The following NKTR variants were observed in gnomAD, a reference collection of about 807,000 sequenced individuals.
The protein encoded by NKTR is NK-tumor recognition protein.
A neutral mutation model predicts 156.3 loss-of-function variants in NKTR; 67 were observed. The ratio of observed to expected loss-of-function variants is 0.43; its 90% CI spans 0.35 to 0.53. The LOEUF (loss-of-function observed/expected upper bound fraction) is 0.53, where lower values mean the gene tolerates loss of function less well. Ranked by LOEUF, NKTR falls within the 20% of genes least tolerant of loss-of-function variation. The pLI is 0.01. For missense variants in NKTR, 1,604 were observed against 1,730.9 expected (o/e 0.93, Z 1.30); for synonymous variants, 640 against 596.6 (o/e 1.07, Z -1.06).
Position 42,645,881 on chromosome 3 carries a change from A to G in NKTR, c.4302-7A>G. The G allele has an allele frequency of 6.3e-7, 1 of 1,592,074 alleles. No individual in the cohort carries two copies. The highest frequency in any genetic ancestry group is 1.1e-5 in the South Asian group (1 of 88,754). On this transcript the variant is annotated splice_region_variant and splice_polypyrimidine_tract_variant and intron_variant, in intron 16 of 16. Transcript: ENST00000232978. ...AGATTTTTATATATTTTGTTTTGTTATTACAGGAGTTGTAGATCTTATGGC... is the reference window on the plus strand; with the variant it reads ...AGATTTTTATATATTTTGTTTTGTTGTTACAGGAGTTGTAGATCTTATGGC...
Position 42,600,997 on chromosome 3 carries a change from C to A in NKTR, c.-10C>A. On this transcript the variant is annotated 5_prime_UTR_variant, in exon 2 of 17. Coordinates refer to ENST00000232978, the MANE Select transcript of NKTR (RefSeq NM_005385.4). ...CCTCTCTCCCAGCTCTTGCCGCCACCTCGGTCGCGATGGGGGCGCAGGACC... is the reference window on the plus strand; with the variant it reads ...CCTCTCTCCCAGCTCTTGCCGCCACATCGGTCGCGATGGGGGCGCAGGACC... 6.4e-7 allele frequency: 1 copy of A among 1,562,364 alleles called. No homozygotes were observed. The highest frequency in any genetic ancestry group is 1.2e-5 in the South Asian group (1 of 84,306).
chr3:42,602,932 T>C (rs115468856), intron 2 of NKTR: 3,076 of 150,076 alleles, frequency 0.02, 45 homozygotes, highest in African/African-American at 0.038. Flanking sequence ...AGGCTGAGAC[T>C]GAAGGACTGC....
rs1380640628 is a variant in NKTR, at chr3:42,637,776, G to A, written c.2072G>A (p.Arg691Lys). 1 of 1,613,706 alleles carries A rather than the reference G, an allele frequency of 6.2e-7. No individual in the cohort carries two copies. Among genetic ancestry groups the A allele is most frequent in the Admixed American group, 1.7e-5 (1 of 59,948 alleles). ...YSDRSSESSP[R>K]SRSRSSRSRS... ...GATAGAAGTTCAGAAAGCTCACCAA[G>A]GTCAAGGAGCAGATCTTCTAGGAGT... is the stretch of plus-strand genomic sequence containing the variant. Residue 691 changes from arginine (R) to lysine (K), a missense_variant, in exon 13 of 17, where the codon AGG (arginine) becomes AAG (lysine). Arg to Lys is a conservative substitution (Grantham distance 26, BLOSUM62 2). This residue lies in a region of NKTR where 1,255 missense variants were observed against 1,243.7 expected (regional missense o/e 1.01). Transcript: ENST00000232978.
Position 42,646,046 on chromosome 3 carries a change from T to G in NKTR, c.*71T>G, listed in dbSNP as rs762049177. ...CTTAGCTTAAGAAATGTAATGACAGTCTGTTGTTCTATTTCAATATCAGAG... is the reference window on the plus strand; with the variant it reads ...CTTAGCTTAAGAAATGTAATGACAGGCTGTTGTTCTATTTCAATATCAGAG... On this transcript the variant is annotated 3_prime_UTR_variant, in exon 17 of 17. Coordinates refer to ENST00000232978, the MANE Select transcript of NKTR (RefSeq NM_005385.4). 6.4e-6 allele frequency: 7 copies of G among 1,097,410 alleles called. No homozygotes were observed. The highest frequency in any genetic ancestry group is 9.6e-6 in the Non-Finnish European group (7 of 730,038). 68.0% of individuals were successfully genotyped at this position (1,097,410 alleles called of 1,614,324 possible).
chr3:42,628,338 G>GT, intron 6 of NKTR: 3 of 985,294 alleles, frequency 3.0e-6, no homozygotes, highest in Non-Finnish European at 3.6e-6. Context: ...ATTCTTGGCA[G>GT]TTTTCATTTG....
chr3:42,608,159 C>T (rs937176931), intron 2 of NKTR, among the ~76,000 whole-genome samples: 3 of 151,622 alleles, frequency 2.0e-5, no homozygotes, highest in East Asian at 1.9e-4. Context: ...CTGGCTACTT[C>T]TTGTATTTTT....
rs1254920109 is a variant in NKTR at position 42,646,931 on chromosome 3, T to C, written c.*956T>C. 5 of 152,234 alleles carry C rather than the reference T, an allele frequency of 3.3e-5. No individual in the cohort carries two copies. Among genetic ancestry groups the C allele is most frequent in the Non-Finnish European group, 5.9e-5 (4 of 68,052 alleles). 9.4% of individuals were successfully genotyped at this position (152,234 alleles called of 1,614,324 possible). ...CAGGCAGGATTGGCAGTAAGAGATA[T>C]TGGCCACTCAAGTCTACTGTGTGTG... On this transcript the variant is annotated 3_prime_UTR_variant, in exon 17 of 17. Transcript: ENST00000232978.
chr3:42,632,621 A>C lies in NKTR; in HGVS notation c.571A>C (p.Lys191Gln), dbSNP rs1709025260. 2 of 1,606,714 alleles carry C rather than the reference A, an allele frequency of 1.2e-6. No individual in the cohort carries two copies. The highest frequency in any genetic ancestry group is 1.1e-5 in the South Asian group (1 of 88,714). Residue 191 changes from lysine to glutamine, a missense_variant, in exon 9 of 17, where the codon AAA (lysine) becomes CAA (glutamine). Lys to Gln is a moderately conservative substitution (Grantham distance 53, BLOSUM62 1). This residue lies in a region of NKTR where 1,255 missense variants were observed against 1,243.7 expected (regional missense o/e 1.01). Transcript: ENST00000232978. ...AAAAGTTTTTGAGAAAAAAAGGAAG[A>C]AACCAACTCATTCAGAAGGCTCGGA... The part of the protein sequence containing the change: ...IKDVFEKKRK[K>Q]PTHSEGSDSS...
At chr3:42,623,048 G>A (rs1003663533) in intron 6 of NKTR, among the ~76,000 whole-genome samples, 9 of 151,678 alleles carry the variant, frequency 5.9e-5, no homozygotes, top group Admixed American at 2.6e-4. Context: ...AAATGCTATC[G>A]TTAAACATAA....
rs572877319 is a variant in NKTR, at chr3:42,601,467, C to T, written c.58+403C>T. The T allele has an allele frequency of 8.9e-5, 14 of 156,696 alleles. No homozygotes were observed. The South Asian group carries it at 2.8e-3, about 31-fold the overall frequency. The allele number at this position is 156,696 out of a possible 1,614,324, so 9.7% of individuals were successfully genotyped here. A position where few individuals can be genotyped will look rare whatever the true frequency, so the allele number is the denominator to read the frequency against. ...GGAAATATTGTGTGTTTCCTAATCACGATATATCACTAATATGTTAATTTT... is the reference window on the plus strand; with the variant it reads ...GGAAATATTGTGTGTTTCCTAATCATGATATATCACTAATATGTTAATTTT... On this transcript the variant is annotated intron_variant, in intron 2 of 16. Coordinates refer to ENST00000232978, the MANE Select transcript of NKTR (RefSeq NM_005385.4).
chr3:42,632,623 A>G lies in NKTR; in HGVS notation c.573A>G (p.Lys191=). 1.2e-6 allele frequency: 2 copies of G among 1,608,696 alleles called. No homozygotes were observed. Among genetic ancestry groups the G allele is most frequent in the Non-Finnish European group, 1.7e-6 (2 of 1,178,466 alleles). The change falls in exon 9 of 17, where the codon AAA becomes AAG. Residue 191 remains lysine, a synonymous_variant. Coordinates refer to ENST00000232978, the MANE Select transcript of NKTR (RefSeq NM_005385.4). ...AAGTTTTTGAGAAAAAAAGGAAGAA[A>G]CCAACTCATTCAGAAGGCTCGGATT... The part of the protein sequence containing the change: ...IKDVFEKKRK[K]PTHSEGSDSS...
rs543982362 is a variant in NKTR, at chr3:42,608,965, A to C, written c.58+7901A>C. 3.9e-5 allele frequency among the ~76,000 whole-genome samples: 6 copies of C among 152,248 alleles called. No individual in the cohort carries two copies. The East Asian group carries it at 1.2e-3, about 29-fold the overall frequency. On this transcript the variant is annotated intron_variant, in intron 2 of 16. Coordinates refer to ENST00000232978, the MANE Select transcript of NKTR (RefSeq NM_005385.4). The stretch of plus-strand genomic sequence containing the variant: ...ACGTGGTGAAACCCTGACCACTAAA[A>C]AGAAGTACAAAAATTAGCCGGGCAT...
chr3:42,644,978 T>TTG (rs35077404), intron 16 of NKTR, among the ~76,000 whole-genome samples: 36,587 of 150,798 alleles, frequency 0.24, 4,861 homozygotes, highest in East Asian at 0.47. Flanking sequence ...TTTTGTGTCT[T>TTG]TGTGTGTGTG....
intron 7 of NKTR, 176 bp downstream of exon 7, chr3:42,630,751 G>A: frequency 7.1e-7 from 1 of 1,407,732 alleles, no homozygotes; most frequent in Non-Finnish European, 9.3e-7. Flanking sequence ...TGGCTCTCAT[G>A]TGACTGAAGG....
rs1263264597 is a variant in NKTR, at chr3:42,601,000, G to A, written c.-7G>A. The A allele has an allele frequency of 3.3e-5, 52 of 1,561,258 alleles. No homozygotes were observed. Among genetic ancestry groups the A allele is most frequent in the Admixed American group, 5.6e-5 (3 of 53,160 alleles). ...CTCTCCCAGCTCTTGCCGCCACCTC[G>A]GTCGCGATGGGGGCGCAGGACCGGC... On this transcript the variant is annotated 5_prime_UTR_variant, in exon 2 of 17. Transcript: ENST00000232978.
intron 7 of NKTR, 144 bp from the exon 8 acceptor site, chr3:42,631,026 AT>A (rs750168550): frequency 1.8e-5 from 25 of 1,419,162 alleles, no homozygotes; most frequent in Non-Finnish European, 2.3e-5. Context: ...TCAAGTTCTC[AT>A]TCCATTCTAG....
intron 2 of NKTR, chr3:42,611,173 A>G (rs756614436): frequency 1.3e-5 from 2 of 152,106 alleles, no homozygotes; most frequent in Non-Finnish European, 2.9e-5. Context: ...CTGCACTAAT[A>G]TCCTCATCAT....
Position 42,618,928 on chromosome 3 carries a change from A to G in NKTR, c.134-92A>G, listed in dbSNP as rs1707656619. The G allele has an allele frequency of 1.1e-5, 12 of 1,098,888 alleles. No individual in the cohort carries two copies. In the South Asian group the frequency reaches 1.9e-4, roughly 18 times the overall value. 68.1% of individuals were successfully genotyped at this position (1,098,888 alleles called of 1,614,324 possible). On this transcript the variant is annotated intron_variant, in intron 3 of 16. Coordinates refer to ENST00000232978, the MANE Select transcript of NKTR (RefSeq NM_005385.4). ...CTCTTCCAGTGCCTAGCACACAGGA[A>G]AGATTTGACACAGGATTAATTGGTT...
intron 6 of NKTR, chr3:42,629,368 T>C: frequency 2.1e-6 from 2 of 944,826 alleles, no homozygotes; most frequent in Non-Finnish European, 2.5e-6. Flanking sequence ...GACATTTTAA[T>C]TTTTTTAAAT....
Sources: allele counts gnomAD v4.1 joint callset (sites outside exome capture counted in the v4.1 genomes callset), GRCh38; gene constraint gnomAD v4.1.1; regional missense constraint gnomAD v4.1.1; transcripts MANE v1.5; gene names NCBI Gene and HGNC (gene_info 2026-07-23, HGNC 2026-07-21).